The following TOX variants were observed in gnomAD, a reference collection of about 807,000 sequenced individuals.
TOX encodes the protein thymocyte selection associated high mobility group box.
A neutral mutation model predicts 53.7 loss-of-function variants in TOX; 11 were observed. That is an observed-to-expected ratio of 0.20 (90% confidence interval 0.13 to 0.34). TOX has a LOEUF of 0.34. Among genes scored for constraint, TOX ranks in the 10% least tolerant of loss-of-function variants. The probability of loss-of-function intolerance (pLI) is 1.00; values close to 1 mark genes in which losing one functional copy is unlikely to be tolerated. For synonymous variants in TOX, 225 were observed against 245.3 expected (o/e 0.92, Z 0.77); for missense variants, 570 against 664.6 (o/e 0.86, Z 1.56).
chr8:58,845,548 T>C (rs1366440535), intron 4 of TOX, among the ~76,000 whole-genome samples: 1 of 152,186 alleles, frequency 6.6e-6, no homozygotes, highest in Non-Finnish European at 1.5e-5. Flanking sequence ...CAATTGGGTT[T>C]ATTATTATCT....
At chr8:58,833,547 T>C (rs183766714) in intron 5 of TOX, among the ~76,000 whole-genome samples, 2 of 152,336 alleles carry the variant, frequency 1.3e-5, no homozygotes, top group Admixed American at 1.3e-4. Flanking sequence ...CTCAAACTCC[T>C]AGGATCCTAA....
At chr8:58,979,761 T>C (rs113185057) in intron 1 of TOX, among the ~76,000 whole-genome samples, 5,520 of 152,272 alleles carry the variant, frequency 0.036, 308 homozygotes, top group African/African-American at 0.12. Flanking sequence ...TTGGAGCCAG[T>C]GTGCTGAGTT....
intron 3 of TOX, among the ~76,000 whole-genome samples, chr8:58,898,541 A>G (rs1811686835): frequency 6.6e-6 from 1 of 152,186 alleles, no homozygotes; most frequent in South Asian, 2.1e-4. Flanking sequence ...ATCATGCCAA[A>G]AAGCTTCAGG....
chr8:59,009,572 C>A (rs1160372175), intron 1 of TOX, among the ~76,000 whole-genome samples: 1 of 151,988 alleles, frequency 6.6e-6, no homozygotes, highest in Non-Finnish European at 1.5e-5. Flanking sequence ...AGGGTTTTAC[C>A]ATGTTGGCCA....
intron 3 of TOX, among the ~76,000 whole-genome samples, chr8:58,875,876 C>G (rs1811274703): frequency 1.3e-5 from 2 of 152,134 alleles, no homozygotes; most frequent in South Asian, 4.1e-4. Flanking sequence ...CATTCTGGGA[C>G]TGTATCTTCA....
At chr8:58,954,894 A>T (rs1812684237) in intron 2 of TOX, among the ~76,000 whole-genome samples, 1 of 152,180 alleles carries the variant, frequency 6.6e-6, no homozygotes, top group Non-Finnish European at 1.5e-5. Context: ...CATAAAGAAA[A>T]AAGAGAAGAT....
intron 1 of TOX, among the ~76,000 whole-genome samples, chr8:59,063,346 C>CA (rs1167223908): frequency 6.6e-6 from 1 of 150,806 alleles, no homozygotes; most frequent in East Asian, 1.9e-4. Context: ...ATAAAATTTG[C>CA]AAAATTTTTT....
intron 4 of TOX, among the ~76,000 whole-genome samples, chr8:58,840,657 A>C (rs76331059): frequency 1.1e-3 from 172 of 152,286 alleles, no homozygotes; most frequent in Middle Eastern, 6.8e-3. Context: ...AAAACAAACA[A>C]GCAAAATTTT....
intron 1 of TOX, among the ~76,000 whole-genome samples, chr8:59,092,265 T>TTATATAC (rs1554545760): frequency 2.2e-5 from 2 of 89,930 alleles, no homozygotes; most frequent in Non-Finnish European, 3.6e-5. Flanking sequence ...TATATATATT[T>TTATATAC]TATATATATA....
intron 3 of TOX, among the ~76,000 whole-genome samples, chr8:58,894,713 G>A (rs531550329): frequency 1.3e-5 from 2 of 152,106 alleles, no homozygotes; most frequent in African/African-American, 2.4e-5. Flanking sequence ...AGCCAATATG[G>A]TAAAACCCCA....
At chr8:59,103,645 G>A (rs1046896230) in intron 1 of TOX, among the ~76,000 whole-genome samples, 2 of 152,098 alleles carry the variant, frequency 1.3e-5, no homozygotes, top group African/African-American at 4.8e-5. Context: ...CATTCATTAG[G>A]GCACTCCAGT....
In TOX at chr8:59,041,775, T is replaced by C. The variant is rs192988611; in HGVS notation, c.102+77111A>G. Among the ~76,000 whole-genome samples, 231 of 152,178 alleles carry C rather than the reference T, an allele frequency of 1.5e-3. 2 individuals carry two copies. The highest frequency in any genetic ancestry group is 4.6e-3 in the Admixed American group (71 of 15,280). Reference sequence around the variant, plus strand: ...TTGGATCTGCCCGTTATTACAAGAGTTAATTTAGGCAAGTCGATGAAATCA... The same window carrying C: ...TTGGATCTGCCCGTTATTACAAGAGCTAATTTAGGCAAGTCGATGAAATCA... On this transcript the variant is annotated intron_variant, in intron 1 of 8. Transcript: ENST00000361421.
chr8:59,058,226 A>G (rs2129421763), intron 1 of TOX, among the ~76,000 whole-genome samples: 1 of 152,328 alleles, frequency 6.6e-6, no homozygotes, highest in African/African-American at 2.4e-5. Context: ...AGCATTTGGA[A>G]GGTGGAGCAG....
At chr8:58,937,687 A>G (rs1812369499) in intron 3 of TOX, among the ~76,000 whole-genome samples, 1 of 152,204 alleles carries the variant, frequency 6.6e-6, no homozygotes, top group African/African-American at 2.4e-5. Context: ...CTTGAACTAT[A>G]TAATTGAATA....
At chr8:59,116,515 C>T (rs1480566873) in intron 1 of TOX, among the ~76,000 whole-genome samples, 2 of 152,186 alleles carry the variant, frequency 1.3e-5, no homozygotes, top group Non-Finnish European at 2.9e-5. Context: ...AAATTTTGTA[C>T]CAATGCTAAT....
chr8:58,907,994 T>A (rs1165948363), intron 3 of TOX, among the ~76,000 whole-genome samples: 2 of 152,168 alleles, frequency 1.3e-5, no homozygotes, highest in African/African-American at 4.8e-5. Flanking sequence ...GTTACATAGG[T>A]AAACATGTGC....
chr8:58,958,852 G>A (rs1585924722), intron 2 of TOX, among the ~76,000 whole-genome samples: 1 of 152,162 alleles, frequency 6.6e-6, no homozygotes, highest in East Asian at 1.9e-4. Flanking sequence ...GGAGATGCAG[G>A]CCTGCCTCTG....
intron 3 of TOX, among the ~76,000 whole-genome samples, chr8:58,927,945 A>G (rs1812193312): frequency 6.6e-6 from 1 of 152,142 alleles, no homozygotes; most frequent in Non-Finnish European, 1.5e-5. Context: ...AGGCGTACCC[A>G]CCACTCATAC....
At chr8:58,822,719 G>T (rs959572992) in intron 6 of TOX, among the ~76,000 whole-genome samples, 3 of 152,210 alleles carry the variant, frequency 2.0e-5, no homozygotes, top group African/African-American at 7.2e-5. Flanking sequence ...TCCTATGTAA[G>T]AGCTGGCATG....
Sources: allele counts gnomAD v4.1 joint callset (sites outside exome capture counted in the v4.1 genomes callset), GRCh38; gene constraint gnomAD v4.1.1; transcripts MANE v1.5; gene names NCBI Gene and HGNC (gene_info 2026-07-23, HGNC 2026-07-21).